Variants in ST3GAL3 observed in about 807,000 individuals in gnomAD.
ST3GAL3 encodes CMP-N-acetylneuraminate-beta-1,4-galactoside alpha-2,3-sialyltransferase.
In ST3GAL3, 21 loss-of-function variants were observed where a neutral mutation model predicts 50.1. That is an observed-to-expected ratio of 0.42 (90% CI 0.30 to 0.60). ST3GAL3 has a LOEUF of 0.60. ST3GAL3 is among the 20% of genes least tolerant of loss of function. The pLI, the probability that ST3GAL3 is intolerant of heterozygous loss-of-function variation, is 0.19. For synonymous variants in ST3GAL3, 183 were observed against 190.0 expected, an observed-to-expected ratio of 0.96 and a Z score of 0.30; for missense variants, 353 against 489.4, an observed-to-expected ratio of 0.72 and a Z score of 2.63.
intron 5 of ST3GAL3, among the ~76,000 whole-genome samples, chr1:43,868,131 C>G (rs2071781016): frequency 6.6e-6 from 1 of 152,156 alleles, no homozygotes; most frequent in African/African-American, 2.4e-5. Context: ...GCCTCTGAGC[C>G]AAGCATGATT....
At chr1:43,864,124 C>T (rs923031684) in intron 5 of ST3GAL3, among the ~76,000 whole-genome samples, 2 of 151,968 alleles carry the variant, frequency 1.3e-5, no homozygotes, top group Non-Finnish European at 2.9e-5. Context: ...ACTAAAAATA[C>T]AGAAATCAGC....
intron 2 of ST3GAL3, among the ~76,000 whole-genome samples, chr1:43,762,069 C>T (rs58775575): frequency 1.3e-5 from 2 of 150,712 alleles, no homozygotes; most frequent in Admixed American, 1.3e-4. Flanking sequence ...AGTTTGAGAC[C>T]AGACTGGGGA....
intron 9 of ST3GAL3, among the ~76,000 whole-genome samples, chr1:43,904,543 C>A (rs572316517): frequency 6.6e-6 from 1 of 152,118 alleles, no homozygotes; most frequent in East Asian, 1.9e-4. Context: ...GTTGCCATAT[C>A]TTAACCATTG....
intron 2 of ST3GAL3, among the ~76,000 whole-genome samples, chr1:43,776,884 T>C (rs527676358): frequency 8.9e-4 from 136 of 152,360 alleles, no homozygotes; most frequent in Non-Finnish European, 1.7e-3. Flanking sequence ...ATAAAGACTT[T>C]GTTGAGCACC....
At chr1:43,792,257 A>C in intron 3 of ST3GAL3, 108 bp downstream of exon 3, 1 of 1,400,852 alleles carries the variant, frequency 7.1e-7, no homozygotes, top group East Asian at 2.3e-5. Flanking sequence ...GGAATATCCC[A>C]GAATTGGGGG....
chr1:43,725,392 G>A (rs1245628780), intron 1 of ST3GAL3, among the ~76,000 whole-genome samples: 3 of 151,842 alleles, frequency 2.0e-5, no homozygotes, highest in South Asian at 2.1e-4. Context: ...TAGTGGAGAC[G>A]GGTTTTACCA....
At chr1:43,725,116 G>A (rs889338670) in intron 1 of ST3GAL3, among the ~76,000 whole-genome samples, 47 of 152,360 alleles carry the variant, frequency 3.1e-4, no homozygotes, top group African/African-American at 1.0e-3. Context: ...TGTATGTGGA[G>A]AGGATGTGTC....
chr1:43,825,212 A>T (rs1440498147), intron 4 of ST3GAL3, among the ~76,000 whole-genome samples: 1 of 152,240 alleles, frequency 6.6e-6, no homozygotes, highest in African/African-American at 2.4e-5. Context: ...CAACTACTGC[A>T]GAATATCATA....
At chr1:43,826,701 A>G (rs977743510) in intron 4 of ST3GAL3, among the ~76,000 whole-genome samples, 3 of 152,228 alleles carry the variant, frequency 2.0e-5, no homozygotes, top group Admixed American at 2.0e-4. Context: ...CAACAAAATT[A>G]TTAGCAAATT....
At chr1:43,824,278 T>C (rs1307124914) in intron 4 of ST3GAL3, among the ~76,000 whole-genome samples, 1 of 151,892 alleles carries the variant, frequency 6.6e-6, no homozygotes, top group Non-Finnish European at 1.5e-5. Flanking sequence ...ACCCTGACTT[T>C]CCCCATCTCC....
intron 5 of ST3GAL3, among the ~76,000 whole-genome samples, chr1:43,881,498 G>C (rs1475142371): frequency 6.6e-6 from 1 of 152,226 alleles, no homozygotes; most frequent in African/African-American, 2.4e-5. Flanking sequence ...GCGCCTGCCT[G>C]ACATGGCAGC....
chr1:43,757,766 A>T (rs760621417), intron 2 of ST3GAL3, among the ~76,000 whole-genome samples: 1 of 151,358 alleles, frequency 6.6e-6, no homozygotes, highest in Non-Finnish European at 1.5e-5. Flanking sequence ...AGAAAAGCAT[A>T]AAAAAAAACA....
At chr1:43,807,365 G>A (rs865905858) in intron 3 of ST3GAL3, among the ~76,000 whole-genome samples, 6 of 152,064 alleles carry the variant, frequency 3.9e-5, no homozygotes, top group South Asian at 2.1e-4. Flanking sequence ...GCAGTGAGCC[G>A]AGATCGTGCC....
intron 3 of ST3GAL3, among the ~76,000 whole-genome samples, chr1:43,794,001 T>C (rs1317563781): frequency 6.6e-6 from 1 of 151,070 alleles, no homozygotes; most frequent in African/African-American, 2.4e-5. Context: ...GGAGGATCAC[T>C]TGAGCCCAGG....
At chr1:43,881,346 G>C (rs1375124093) in intron 5 of ST3GAL3, among the ~76,000 whole-genome samples, 1 of 152,226 alleles carries the variant, frequency 6.6e-6, no homozygotes, top group East Asian at 1.9e-4. Context: ...CTAGCACAGA[G>C]CCTGAGATAA....
chr1:43,902,272 G>C (rs1226207048), intron 9 of ST3GAL3, among the ~76,000 whole-genome samples: 1 of 152,222 alleles, frequency 6.6e-6, no homozygotes, highest in Non-Finnish European at 1.5e-5. Flanking sequence ...CTGTGTTCTG[G>C]AGCCAAGGCC....
intron 5 of ST3GAL3, among the ~76,000 whole-genome samples, chr1:43,882,321 G>C (rs1372057923): frequency 2.0e-5 from 3 of 152,156 alleles, no homozygotes; most frequent in Non-Finnish European, 4.4e-5. Flanking sequence ...TAGTTGTACG[G>C]GGCTAAAGCA....
At chr1:43,850,294 T>C in intron 5 of ST3GAL3, 1 of 553,546 alleles carries the variant, frequency 1.8e-6, no homozygotes, top group South Asian at 1.5e-5. Flanking sequence ...GTGGGCCGGC[T>C]CCTTTAGAAG....
intron 3 of ST3GAL3, among the ~76,000 whole-genome samples, chr1:43,805,282 T>G (rs1270733060): frequency 6.6e-6 from 1 of 152,112 alleles, no homozygotes; most frequent in Non-Finnish European, 1.5e-5. Flanking sequence ...GTCGCTGAGT[T>G]TAGGGAAGAA....
Sources: gnomAD v4.1 joint callset for allele counts (sites outside exome capture counted in the v4.1 genomes callset) on GRCh38, gnomAD v4.1.1 for gene constraint, MANE v1.5 for transcripts, NCBI Gene and HGNC (gene_info 2026-07-23, HGNC 2026-07-21) for gene names.